LRRC28: variants seen among roughly 807,000 people sequenced by gnomAD.
LRRC28 encodes the protein leucine-rich repeat-containing protein 28.
In LRRC28, 39 loss-of-function variants were observed where a neutral mutation model predicts 45.7. The ratio of observed to expected loss-of-function variants is 0.85; its 90% confidence interval spans 0.66 to 1.12. LRRC28 has a LOEUF of 1.12. Among genes scored for constraint, LRRC28 ranks in the 50% most tolerant of loss-of-function variants. LRRC28 has a pLI of 0.00. For missense variants in LRRC28, 435 were observed against 438.5 expected (o/e 0.99, Z 0.07); for synonymous variants, 206 against 178.8 (o/e 1.15, Z -1.22).
chr15:99,291,091 C>T (rs1040711201), intron 5 of LRRC28, among the ~76,000 whole-genome samples: 1 of 152,158 alleles, frequency 6.6e-6, no homozygotes, highest in Admixed American at 6.5e-5. Context: ...ATTATATATT[C>T]TTAGAGGTTA....
At chr15:99,361,301 T>C (rs773811983) in intron 7 of LRRC28, 35 bp from the exon 8 acceptor site, 1 of 1,571,748 alleles carries the variant, frequency 6.4e-7, no homozygotes, top group East Asian at 2.3e-5. Flanking sequence ...TTTTCCTTAT[T>C]GCTAATAATA....
chr15:99,379,641 A>G (rs1957755709), intron 9 of LRRC28, among the ~76,000 whole-genome samples: 1 of 152,062 alleles, frequency 6.6e-6, no homozygotes, highest in Non-Finnish European at 1.5e-5. Context: ...TTAGGGTGTC[A>G]ATTTTAGATC....
At chr15:99,352,780 G>A (rs1372718347) in intron 7 of LRRC28, among the ~76,000 whole-genome samples, 2 of 152,094 alleles carry the variant, frequency 1.3e-5, no homozygotes, top group Non-Finnish European at 2.9e-5. Flanking sequence ...AATGGTACAC[G>A]TGATGGTTTG....
intron 5 of LRRC28, among the ~76,000 whole-genome samples, chr15:99,296,312 A>G (rs545778473): frequency 6.6e-6 from 1 of 152,274 alleles, no homozygotes; most frequent in South Asian, 2.1e-4. Flanking sequence ...GTGCCTACCT[A>G]CTATGTGATC....
intron 4 of LRRC28, among the ~76,000 whole-genome samples, chr15:99,287,511 A>C (rs1489063791): frequency 6.6e-6 from 1 of 152,206 alleles, no homozygotes; most frequent in Non-Finnish European, 1.5e-5. Flanking sequence ...GTAGATAATA[A>C]GTTGTAAATT....
At chr15:99,288,024 C>T (rs1204702381) in intron 5 of LRRC28, 73 bp downstream of exon 5, 1 of 1,372,962 alleles carries the variant, frequency 7.3e-7, no homozygotes, top group Non-Finnish European at 9.7e-7. Context: ...CACTCTATGT[C>T]TAGGCAATGA....
At chr15:99,285,730 C>T (rs1452960415) in intron 3 of LRRC28, 1 of 556,686 alleles carries the variant, frequency 1.8e-6, no homozygotes, top group Non-Finnish European at 3.3e-6. Context: ...TACTTTAGTT[C>T]ATATTTTGAT....
At position 99,361,354 on chromosome 15, in the gene LRRC28, A is replaced by C. The variant is rs146572776; in HGVS notation, c.714A>C (p.Gln238His). The C allele has an allele frequency of 3.1e-6, 5 of 1,612,902 alleles. No homozygotes were observed. The highest frequency in any genetic ancestry group is 1.3e-5 in the African/African-American group (1 of 74,852). Residue 238 changes from glutamine to histidine, a missense_variant, in exon 8 of 10, where the codon CAA (glutamine) becomes CAC (histidine). Transcript: ENST00000301981. ...TCTGCAGCTGTGGTGCTCCCATTCAAGTTTCCGAGGTGAAGCTGCTTTCCT... is the reference window on the plus strand; with the variant it reads ...TCTGCAGCTGTGGTGCTCCCATTCACGTTTCCGAGGTGAAGCTGCTTTCCT... Reference protein sequence around the residue: ...IGCSGCGAPIQVSEVKLLSFS... With the variant: ...IGCSGCGAPIHVSEVKLLSFS...
intron 5 of LRRC28, among the ~76,000 whole-genome samples, chr15:99,308,751 A>G (rs1319947667): frequency 1.3e-5 from 2 of 152,188 alleles, no homozygotes; most frequent in African/African-American, 2.4e-5. Flanking sequence ...ACAAATTACC[A>G]CAAAGTTAGT....
intron 6 of LRRC28, among the ~76,000 whole-genome samples, chr15:99,348,741 T>G (rs1011694854): frequency 1.2e-4 from 18 of 149,384 alleles, no homozygotes; most frequent in African/African-American, 2.4e-5. Flanking sequence ...TTGGGTTTTT[T>G]TTGTTGTTTT....
intron 5 of LRRC28, among the ~76,000 whole-genome samples, chr15:99,324,357 G>A (rs1277893635): frequency 6.6e-6 from 1 of 152,154 alleles, no homozygotes; most frequent in Non-Finnish European, 1.5e-5. Context: ...ACCTCAGAAA[G>A]CTAAACCGCG....
intron 2 of LRRC28, among the ~76,000 whole-genome samples, chr15:99,268,599 T>C (rs779212937): frequency 3.3e-5 from 5 of 152,186 alleles, no homozygotes; most frequent in Non-Finnish European, 7.4e-5. Flanking sequence ...ATCGAATCAG[T>C]CAACAAATAC....
At chr15:99,359,950 A>G (rs1220656996) in intron 7 of LRRC28, among the ~76,000 whole-genome samples, 1 of 152,026 alleles carries the variant, frequency 6.6e-6, no homozygotes, top group East Asian at 1.9e-4. Context: ...GACCCTAAAG[A>G]CTTCCCCATT....
intron 6 of LRRC28, among the ~76,000 whole-genome samples, chr15:99,350,140 C>G (rs1198729439): frequency 9.7e-6 from 1 of 103,080 alleles, no homozygotes. Context: ...GAGACTCCGT[C>G]TCAAAAAAAA....
At chr15:99,293,593 C>CCAAAAAAAAAAAAAAAAAAAAAAAAAAA (rs747700282) in intron 5 of LRRC28, among the ~76,000 whole-genome samples, 12 of 44,066 alleles carry the variant, frequency 2.7e-4, no homozygotes, top group Non-Finnish European at 4.4e-4. Flanking sequence ...AACTCTGTCA[C>CCAAAAAAAAAAAAAAAAAAAAAAAAAAA]AAAAAAAAAA....
chr15:99,349,365 A>C (rs537290445), intron 6 of LRRC28, among the ~76,000 whole-genome samples: 2 of 152,314 alleles, frequency 1.3e-5, no homozygotes, highest in African/African-American at 4.8e-5. Context: ...CTGAATCACC[A>C]TTTGAAAAAA....
chr15:99,378,966 C>G (rs941983075), intron 9 of LRRC28, among the ~76,000 whole-genome samples: 2 of 151,820 alleles, frequency 1.3e-5, no homozygotes, highest in African/African-American at 4.8e-5. Context: ...GGATTTTTGC[C>G]TCAATGTTCT....
chr15:99,326,756 GA>G (rs1157742168), intron 5 of LRRC28, among the ~76,000 whole-genome samples: 2 of 152,088 alleles, frequency 1.3e-5, no homozygotes, highest in African/African-American at 4.8e-5. Flanking sequence ...ACTTGTTCAT[GA>G]TAAATAATCA....
intron 2 of LRRC28, among the ~76,000 whole-genome samples, chr15:99,265,379 G>A (rs1329104673): frequency 6.6e-6 from 1 of 152,138 alleles, no homozygotes; most frequent in Admixed American, 6.6e-5. Context: ...GAGAATGGAG[G>A]TGGGCCAAAG....
Sources: allele counts gnomAD v4.1 joint callset (sites outside exome capture counted in the v4.1 genomes callset), GRCh38; gene constraint gnomAD v4.1.1; transcripts MANE v1.5; gene names NCBI Gene and HGNC (gene_info 2026-07-23, HGNC 2026-07-21).